C12orf42: variants seen among roughly 807,000 people sequenced by gnomAD.
The protein encoded by C12orf42 is chromosome 12 open reading frame 42, also known as uncharacterized protein C12orf42.
C12orf42 carries 25 observed loss-of-function variants against 21.6 expected under a neutral mutation model. That is an observed-to-expected ratio of 1.16 (90% CI 0.84 to 1.62). The LOEUF is 1.62. Ranked by LOEUF, C12orf42 falls within the 40% of genes most tolerant of loss-of-function variation. The probability of loss-of-function intolerance (pLI) is 0.00; values close to 1 mark genes in which losing one functional copy is unlikely to be tolerated. For synonymous variants in C12orf42, 174 were observed against 175.0 expected (o/e 0.99, Z 0.05); for missense variants, 483 against 459.3 (o/e 1.05, Z -0.47).
intron 4 of C12orf42, among the ~76,000 whole-genome samples, chr12:103,330,073 TA>T (rs2041107618): frequency 9.2e-5 from 14 of 152,170 alleles, no homozygotes; most frequent in Admixed American, 1.3e-4. Flanking sequence ...ATTATAGAAA[TA>T]TATGAAGTAT....
chr12:103,059,273 C>T, the C12orf42 span, among the ~76,000 whole-genome samples: 9 of 152,192 alleles, frequency 5.9e-5, no homozygotes, highest in Non-Finnish European at 1.3e-4. Flanking sequence ...CAAGACTGAA[C>T]CAGGAAGAAG....
At chr12:103,145,766 C>A in the C12orf42 span, among the ~76,000 whole-genome samples, 1 of 151,942 alleles carries the variant, frequency 6.6e-6, no homozygotes, top group Non-Finnish European at 1.5e-5. Context: ...TATGGTACAT[C>A]AAAATGATGA....
At chr12:103,122,784 T>C in the C12orf42 span, among the ~76,000 whole-genome samples, 58 of 152,238 alleles carry the variant, frequency 3.8e-4, 3 homozygotes, top group East Asian at 4.2e-3. Context: ...TGCAGATCAA[T>C]ATAGGGACTT....
chr12:103,402,201 C>T (rs776562779), intron 2 of C12orf42, among the ~76,000 whole-genome samples: 21 of 152,082 alleles, frequency 1.4e-4, no homozygotes, highest in Non-Finnish European at 2.2e-4. Flanking sequence ...ATTGTAGAAA[C>T]CTGTGAATGA....
chr12:103,106,175 T>G, the C12orf42 span, among the ~76,000 whole-genome samples: 1 of 152,128 alleles, frequency 6.6e-6, no homozygotes, highest in South Asian at 2.1e-4. Flanking sequence ...GCAACAAAAA[T>G]AGAAGTCAGA....
chr12:103,053,759 T>C, the C12orf42 span, among the ~76,000 whole-genome samples: 1 of 151,968 alleles, frequency 6.6e-6, no homozygotes, highest in East Asian at 1.9e-4. Context: ...TGATCTGTTT[T>C]AAGTTAAATT....
the C12orf42 span, among the ~76,000 whole-genome samples, chr12:103,110,577 T>C: frequency 6.6e-6 from 1 of 152,196 alleles, no homozygotes; most frequent in Admixed American, 6.5e-5. Context: ...ATATGTTACT[T>C]TCTGAGCTTT....
intron 1 of C12orf42, among the ~76,000 whole-genome samples, chr12:103,482,611 T>C (rs1052963437): frequency 3.3e-5 from 5 of 152,130 alleles, no homozygotes; most frequent in Non-Finnish European, 5.9e-5. Flanking sequence ...CTGTCTGTGA[T>C]TTGCTGGACT....
intron 4 of C12orf42, among the ~76,000 whole-genome samples, chr12:103,294,358 A>C (rs1204507471): frequency 6.8e-6 from 1 of 147,550 alleles, no homozygotes; most frequent in African/African-American, 2.6e-5. Context: ...ACATGGCAGA[A>C]AAAAAAAAGA....
At chr12:103,470,561 A>G (rs1431986589) in intron 2 of C12orf42, among the ~76,000 whole-genome samples, 2 of 152,146 alleles carry the variant, frequency 1.3e-5, no homozygotes, top group Non-Finnish European at 2.9e-5. Flanking sequence ...CCAATGAGAG[A>G]AAGGATCTTT....
chr12:103,088,202 C>T, the C12orf42 span, among the ~76,000 whole-genome samples: 1 of 152,212 alleles, frequency 6.6e-6, no homozygotes, highest in Admixed American at 6.5e-5. Context: ...TTCAGATGTA[C>T]ACTTCTGTGA....
At chr12:103,198,855 G>A in the C12orf42 span, among the ~76,000 whole-genome samples, 1 of 152,078 alleles carries the variant, frequency 6.6e-6, no homozygotes, top group Non-Finnish European at 1.5e-5. Flanking sequence ...TCCTTCCAAG[G>A]ATTTACTCAG....
At chr12:103,291,267 G>A (rs966596836) in intron 4 of C12orf42, among the ~76,000 whole-genome samples, 1 of 152,164 alleles carries the variant, frequency 6.6e-6, no homozygotes, top group African/African-American at 2.4e-5. Flanking sequence ...CTTTGGACAA[G>A]TAACCTCTTT....
At chr12:103,484,121 T>G (rs1954661011) in intron 1 of C12orf42, among the ~76,000 whole-genome samples, 1 of 152,238 alleles carries the variant, frequency 6.6e-6, no homozygotes, top group South Asian at 2.1e-4. Context: ...GCAATAATCA[T>G]ATGTGTGCAT....
At chr12:103,411,350 G>A (rs1252513286) in intron 2 of C12orf42, among the ~76,000 whole-genome samples, 1 of 152,110 alleles carries the variant, frequency 6.6e-6, no homozygotes, top group East Asian at 1.9e-4. Flanking sequence ...CTGTAGCAGT[G>A]TATTCTTACC....
chr12:103,303,682 A>G (rs2037987175), intron 5 of C12orf42, among the ~76,000 whole-genome samples: 1 of 152,194 alleles, frequency 6.6e-6, no homozygotes, highest in African/African-American at 2.4e-5. Flanking sequence ...TATGCCTAGT[A>G]TGTACTGAGC....
intron 10 of C12orf42, among the ~76,000 whole-genome samples, chr12:103,244,136 A>G (rs969541226): frequency 2.0e-5 from 3 of 152,142 alleles, no homozygotes; most frequent in Admixed American, 6.6e-5. Flanking sequence ...GGTCACATTT[A>G]TGTTACCAAA....
chr12:103,487,975 T>C (rs1317164889), intron 1 of C12orf42, among the ~76,000 whole-genome samples: 1 of 152,252 alleles, frequency 6.6e-6, no homozygotes, highest in Non-Finnish European at 1.5e-5. Flanking sequence ...AATATTGTTA[T>C]GTGTGAATTT....
chr12:103,242,071 G>A (rs373941576), intron 10 of C12orf42, among the ~76,000 whole-genome samples: 14 of 152,194 alleles, frequency 9.2e-5, no homozygotes, highest in African/African-American at 2.9e-4. Context: ...TGGTGGATGC[G>A]TCTTTTATTC....
Sources: gnomAD v4.1 joint callset for allele counts (sites outside exome capture counted in the v4.1 genomes callset) on GRCh38, gnomAD v4.1.1 for gene constraint, MANE v1.5 for transcripts, NCBI Gene and HGNC (gene_info 2026-07-23, HGNC 2026-07-21) for gene names.